Variants in GRID2 observed in about 807,000 individuals in gnomAD.
GRID2 encodes glutamate receptor ionotropic, delta-2.
Under a neutral mutation model 114.8 loss-of-function variants are expected in GRID2, and 33 were observed. That is an observed-to-expected ratio of 0.29 (90% CI 0.22 to 0.38). The LOEUF is 0.38. GRID2 is among the 10% of genes least tolerant of loss of function. The pLI is 1.00. For synonymous variants in GRID2, 505 were observed against 449.9 expected (o/e 1.12, Z -1.55); for missense variants, 1,184 against 1,257.7 (o/e 0.94, Z 0.89).
intron 4 of GRID2, among the ~76,000 whole-genome samples, chr4:93,112,590 A>T (rs1315644286): frequency 6.6e-6 from 1 of 152,176 alleles, no homozygotes; most frequent in Non-Finnish European, 1.5e-5. Flanking sequence ...GAGAAAATTA[A>T]ACTGTTTTCA....
At position 92,714,360 on chromosome 4, in the gene GRID2, C is replaced by T. The variant is rs548294587; in HGVS notation, c.244+124074C>T. Among the ~76,000 whole-genome samples the T allele has an allele frequency of 3.3e-5, 5 of 152,296 alleles. No homozygotes were observed. In the South Asian group the frequency reaches 1.0e-3, roughly 32 times the overall value. On this transcript the variant is annotated intron_variant, in intron 2 of 15. Coordinates refer to ENST00000282020, the MANE Select transcript of GRID2 (RefSeq NM_001510.4). ...ACAGCCTCCCTCTCAGGTGTTTTCA[C>T]AGGCTGGCGTTTAGTGACTGCAGCT... is the stretch of plus-strand genomic sequence containing the variant.
chr4:92,910,122 G>A (rs1324425442), intron 2 of GRID2, among the ~76,000 whole-genome samples: 1 of 151,882 alleles, frequency 6.6e-6, no homozygotes, highest in Non-Finnish European at 1.5e-5. Flanking sequence ...AATATAGGAT[G>A]GATGATGTGG....
chr4:93,030,361 G>T (rs1322985440), intron 2 of GRID2, among the ~76,000 whole-genome samples: 1 of 151,694 alleles, frequency 6.6e-6, no homozygotes, highest in Non-Finnish European at 1.5e-5. Flanking sequence ...GAACAGTTGA[G>T]GTTGATGCTC....
intron 13 of GRID2, among the ~76,000 whole-genome samples, chr4:93,617,207 G>A (rs1247536625): frequency 6.6e-6 from 1 of 152,028 alleles, no homozygotes; most frequent in Non-Finnish European, 1.5e-5. Flanking sequence ...GTTTTCCCAC[G>A]GCACATTTTA....
At chr4:92,602,397 A>G (rs1729258970) in intron 2 of GRID2, among the ~76,000 whole-genome samples, 2 of 152,160 alleles carry the variant, frequency 1.3e-5, no homozygotes, top group Admixed American at 6.6e-5. Context: ...AGCTGTTTCA[A>G]CATACACAAA....
intron 2 of GRID2, among the ~76,000 whole-genome samples, chr4:92,639,226 G>A (rs899013361): frequency 1.3e-5 from 2 of 151,554 alleles, no homozygotes; most frequent in Admixed American, 6.6e-5. Flanking sequence ...TCTAAAATAT[G>A]GATAGAGTTA....
intron 1 of GRID2, among the ~76,000 whole-genome samples, chr4:92,314,385 T>C (rs1725861204): frequency 6.6e-6 from 1 of 152,160 alleles, no homozygotes; most frequent in Non-Finnish European, 1.5e-5. Flanking sequence ...AAATTCTTGT[T>C]ATAATAGACA....
chr4:92,382,451 G>T (rs1440108656), intron 1 of GRID2, among the ~76,000 whole-genome samples: 1 of 151,924 alleles, frequency 6.6e-6, no homozygotes, highest in African/African-American at 2.4e-5. Context: ...TTTTGTTCTT[G>T]TTCGATATTT....
intron 4 of GRID2, among the ~76,000 whole-genome samples, chr4:93,161,776 C>A (rs1026137613): frequency 5.9e-5 from 9 of 151,812 alleles, no homozygotes; most frequent in Admixed American, 2.0e-4. Flanking sequence ...AATTCTCCCC[C>A]CTTCCTGCAA....
chr4:92,365,167 A>C (rs1218071605), intron 1 of GRID2, among the ~76,000 whole-genome samples: 5 of 152,108 alleles, frequency 3.3e-5, no homozygotes, highest in Admixed American at 6.6e-5. Context: ...ATGTTGAAGG[A>C]ATATCTTCAC....
At chr4:93,387,113 C>G (rs1412868140) in intron 8 of GRID2, among the ~76,000 whole-genome samples, 1 of 152,044 alleles carries the variant, frequency 6.6e-6, no homozygotes, top group Non-Finnish European at 1.5e-5. Context: ...GAGCTGGATT[C>G]CTTGAGAGGA....
intron 14 of GRID2, among the ~76,000 whole-genome samples, chr4:93,662,296 T>A (rs72873054): frequency 0.047 from 7,120 of 152,174 alleles, 541 homozygotes; most frequent in African/African-American, 0.16. Context: ...GCTTTGTTGT[T>A]CTCTATGGCA....
intron 6 of GRID2, among the ~76,000 whole-genome samples, chr4:93,224,081 AT>A (rs1745198494): frequency 6.6e-6 from 1 of 152,136 alleles, no homozygotes; most frequent in African/African-American, 2.4e-5. Flanking sequence ...CATATAAAAG[AT>A]TGTGTTCTTT....
At chr4:93,592,787 A>G (rs887446833) in intron 13 of GRID2, among the ~76,000 whole-genome samples, 1 of 152,102 alleles carries the variant, frequency 6.6e-6, no homozygotes, top group African/African-American at 2.4e-5. Flanking sequence ...CTTCTTGTTG[A>G]ATTGATGCCT....
At chr4:93,412,266 G>C (rs1183847766) in intron 9 of GRID2, among the ~76,000 whole-genome samples, 1 of 147,414 alleles carries the variant, frequency 6.8e-6, no homozygotes, top group African/African-American at 2.5e-5. Flanking sequence ...GCATAACAGT[G>C]TGTGCCTGTA....
At chr4:92,344,905 G>A (rs1470136644) in intron 1 of GRID2, among the ~76,000 whole-genome samples, 1 of 152,082 alleles carries the variant, frequency 6.6e-6, no homozygotes, top group East Asian at 1.9e-4. Context: ...TATCTCAATA[G>A]TTTTGTGGGT....
chr4:92,907,169 T>C (rs1748020706), intron 2 of GRID2, among the ~76,000 whole-genome samples: 2 of 152,188 alleles, frequency 1.3e-5, no homozygotes, highest in Admixed American at 1.3e-4. Context: ...GATCATTCTT[T>C]ACATTTTATT....
intron 7 of GRID2, among the ~76,000 whole-genome samples, chr4:93,226,473 G>T (rs1745499451): frequency 6.6e-6 from 1 of 152,184 alleles, no homozygotes; most frequent in African/African-American, 2.4e-5. Flanking sequence ...AAGTCATAAA[G>T]CCGAGAAACA....
intron 2 of GRID2, among the ~76,000 whole-genome samples, chr4:92,993,936 T>C (rs763095371): frequency 2.6e-5 from 4 of 152,226 alleles, no homozygotes; most frequent in African/African-American, 4.8e-5. Context: ...CTTTAAATTA[T>C]AAACATTACT....
Sources: allele counts gnomAD v4.1 joint callset (sites outside exome capture counted in the v4.1 genomes callset), GRCh38; gene constraint gnomAD v4.1.1; transcripts MANE v1.5; gene names NCBI Gene and HGNC (gene_info 2026-07-23, HGNC 2026-07-21).